Variants in LARGE1 observed in about 807,000 individuals in gnomAD.
LARGE1 encodes the protein xylosyl- and glucuronyltransferase LARGE1.
In LARGE1, 43 loss-of-function variants were observed where a neutral mutation model predicts 87.6. The observed-to-expected ratio is 0.49, with a 90% CI of 0.38 to 0.63. The LOEUF is 0.63. Ranked by LOEUF, LARGE1 falls within the 30% of genes least tolerant of loss-of-function variation. The pLI is 0.00. For missense variants in LARGE1, 802 were observed against 1,000.2 expected, an observed-to-expected ratio of 0.80 and a Z score of 2.67; for synonymous variants, 434 against 394.6, an observed-to-expected ratio of 1.10 and a Z score of -1.18.
chr22:33,441,072 T>G (rs2067454355), intron 6 of LARGE1, among the ~76,000 whole-genome samples: 1 of 32,432 alleles, frequency 3.1e-5, no homozygotes, highest in South Asian at 6.5e-4. Flanking sequence ...TTGTTTGAAC[T>G]TTTTTTTTTT....
At chr22:33,724,598 C>A (rs902703805) in intron 2 of LARGE1, among the ~76,000 whole-genome samples, 3 of 152,344 alleles carry the variant, frequency 2.0e-5, no homozygotes, top group Middle Eastern at 3.4e-3. Context: ...GCCATGCCCA[C>A]AGGCTATGGT....
At chr22:33,585,071 CGCACCACT>C (rs2078631729) in intron 5 of LARGE1, among the ~76,000 whole-genome samples, 1 of 152,092 alleles carries the variant, frequency 6.6e-6, no homozygotes, top group Non-Finnish European at 1.5e-5. Context: ...GAGCCGAGAT[CGCACCACT>C]GCATTCCAGC....
chr22:33,302,179 C>T (rs1200135649), intron 12 of LARGE1, among the ~76,000 whole-genome samples: 2 of 152,242 alleles, frequency 1.3e-5, no homozygotes, highest in African/African-American at 4.8e-5. Flanking sequence ...GCATCAGAGG[C>T]TGCAAGCCCC....
intron 2 of LARGE1, among the ~76,000 whole-genome samples, chr22:33,652,398 T>G (rs1277165855): frequency 6.6e-6 from 1 of 151,856 alleles, no homozygotes; most frequent in East Asian, 1.9e-4. Context: ...AAACCCCATC[T>G]CCCAAGGATA....
At chr22:33,096,943 A>G in the LARGE1 span, among the ~76,000 whole-genome samples, 1 of 152,228 alleles carries the variant, frequency 6.6e-6, no homozygotes, top group South Asian at 2.1e-4. Flanking sequence ...TTTACTGCAG[A>G]GGATTGGCTG....
chr22:33,732,889 C>G (rs1353108664), intron 2 of LARGE1: 1 of 152,334 alleles, frequency 6.6e-6, no homozygotes, highest in African/African-American at 2.4e-5. Context: ...TTGCATTCGC[C>G]TTTCTATGAG....
chr22:33,748,953 C>A (rs1273615598), intron 2 of LARGE1, among the ~76,000 whole-genome samples: 1 of 152,206 alleles, frequency 6.6e-6, no homozygotes, highest in Admixed American at 6.5e-5. Context: ...ACAAGGGTCT[C>A]TCTGGACCAG....
chr22:33,558,174 G>C (rs2077750317), intron 6 of LARGE1, among the ~76,000 whole-genome samples: 1 of 152,192 alleles, frequency 6.6e-6, no homozygotes, highest in South Asian at 2.1e-4. Context: ...AGCCCTAGAA[G>C]GGGGCACACT....
At chr22:33,841,191 A>C (rs1295687659) in intron 1 of LARGE1, among the ~76,000 whole-genome samples, 1 of 152,212 alleles carries the variant, frequency 6.6e-6, no homozygotes, top group Non-Finnish European at 1.5e-5. Context: ...GCAGGATGCA[A>C]TCTATGCTAA....
At chr22:33,781,316 T>A (rs997351834) in intron 1 of LARGE1, among the ~76,000 whole-genome samples, 8 of 152,004 alleles carry the variant, frequency 5.3e-5, no homozygotes, top group Non-Finnish European at 8.8e-5. Flanking sequence ...CTGGCCAACA[T>A]GAGGTGAAAC....
At chr22:33,573,375 G>A (rs1214644314) in intron 5 of LARGE1, among the ~76,000 whole-genome samples, 3 of 152,066 alleles carry the variant, frequency 2.0e-5, no homozygotes, top group Non-Finnish European at 4.4e-5. Context: ...GGAGGTGGGG[G>A]TTGCAGTGAG....
In LARGE1 at chr22:33,524,306, T is replaced by C. The variant is rs1420850231; in HGVS notation, c.787+40542A>G. Among the ~76,000 whole-genome samples, 3 of 147,560 alleles carry C rather than the reference T, an allele frequency of 2.0e-5. No homozygotes were observed. The South Asian group carries it at 6.5e-4, about 32-fold the overall frequency. On this transcript the variant is annotated intron_variant, in intron 6 of 14. Transcript: ENST00000397394. Reference sequence around the variant, plus strand: ...ACTCCCCTCAAAAAAAAAAAAATAATAATAATAATAAAATCAAGCCCATTT... The same window carrying C: ...ACTCCCCTCAAAAAAAAAAAAATAACAATAATAATAAAATCAAGCCCATTT...
At chr22:33,238,188 T>C (rs1206644395) in intron 11 of LARGE1, among the ~76,000 whole-genome samples, 1 of 152,064 alleles carries the variant, frequency 6.6e-6, no homozygotes, top group African/African-American at 2.4e-5. Flanking sequence ...AGCAGTTAGG[T>C]TAAAATCAAA....
chr22:33,611,767 T>C (rs761776813), intron 4 of LARGE1, among the ~76,000 whole-genome samples: 5 of 152,172 alleles, frequency 3.3e-5, no homozygotes, highest in Non-Finnish European at 4.4e-5. Context: ...CACTCAAATC[T>C]CATGTTGAAA....
At chr22:33,751,263 C>T (rs1361058369) in intron 2 of LARGE1, among the ~76,000 whole-genome samples, 7 of 152,050 alleles carry the variant, frequency 4.6e-5, no homozygotes, top group Admixed American at 3.9e-4. Context: ...GGCAGATCAC[C>T]TGAGGTCAGG....
chr22:33,917,265 T>C (rs1601913879), intron 1 of LARGE1, among the ~76,000 whole-genome samples: 2 of 152,220 alleles, frequency 1.3e-5, no homozygotes, highest in African/African-American at 4.8e-5. Context: ...GTCTCCCCGC[T>C]ACTCCCACCT....
intron 5 of LARGE1, among the ~76,000 whole-genome samples, chr22:33,583,712 G>A (rs1306157634): frequency 6.6e-6 from 1 of 152,158 alleles, no homozygotes; most frequent in Non-Finnish European, 1.5e-5. Flanking sequence ...TATAAGGACA[G>A]TTGGGTCCCC....
chr22:33,079,254 G>GTC, the LARGE1 span, among the ~76,000 whole-genome samples: 1 of 122,812 alleles, frequency 8.1e-6, no homozygotes, highest in Non-Finnish European at 1.6e-5. Context: ...TTTAGACAGA[G>GTC]TCTCACTCTG....
intron 10 of LARGE1, among the ~76,000 whole-genome samples, chr22:33,335,993 G>T (rs146804083): frequency 0.011 from 1,726 of 152,192 alleles, 9 homozygotes; most frequent in South Asian, 0.022. Flanking sequence ...TTTCATCTAC[G>T]AATACTTAGT....
Sources: gnomAD v4.1 joint callset for allele counts (sites outside exome capture counted in the v4.1 genomes callset) on GRCh38, gnomAD v4.1.1 for gene constraint, MANE v1.5 for transcripts, NCBI Gene and HGNC (gene_info 2026-07-23, HGNC 2026-07-21) for gene names.